DGKI: variants seen among roughly 807,000 people sequenced by gnomAD.
DGKI encodes the protein diacylglycerol kinase iota.
Under a neutral mutation model 147.5 loss-of-function variants are expected in DGKI, and 55 were observed. The observed-to-expected ratio is 0.37, with a 90% CI of 0.30 to 0.47. The LOEUF (loss-of-function observed/expected upper bound fraction) is 0.47. DGKI is among the 20% of genes least tolerant of loss of function. The pLI, the probability that DGKI is intolerant of heterozygous loss-of-function variation, is 1.00. For synonymous variants in DGKI, 469 were observed against 477.1 expected (o/e 0.98, Z 0.22); for missense variants, 1,007 against 1,323.8 (o/e 0.76, Z 3.71).
chr7:137,799,873 T>C (rs1031603044), intron 1 of DGKI, among the ~76,000 whole-genome samples: 2 of 152,264 alleles, frequency 1.3e-5, no homozygotes, highest in Non-Finnish European at 2.9e-5. Flanking sequence ...TTATGAACCA[T>C]GTATTTGAAG....
At chr7:137,492,482 C>A (rs1299150576) in intron 21 of DGKI, among the ~76,000 whole-genome samples, 1 of 152,070 alleles carries the variant, frequency 6.6e-6, no homozygotes, top group Non-Finnish European at 1.5e-5. Context: ...AGTTCCTGGC[C>A]CTCAGTAACC....
chr7:137,396,797 G>T (rs1811571070), intron 31 of DGKI, among the ~76,000 whole-genome samples: 1 of 152,184 alleles, frequency 6.6e-6, no homozygotes, highest in Non-Finnish European at 1.5e-5. Flanking sequence ...CGCTACTTTA[G>T]AAATAAGGTT....
intron 10 of DGKI, 106 bp downstream of exon 10, chr7:137,608,860 T>C (rs1457007231): frequency 1.1e-6 from 1 of 876,876 alleles, no homozygotes; most frequent in Non-Finnish European, 1.8e-6. Context: ...AACCGGTGTC[T>C]TCCAAAGCTT....
rs1174989943 is a variant in DGKI, at chr7:137,577,225, A to T, written c.1758T>A (p.Val586=). The T allele has an allele frequency of 1.9e-6, 3 of 1,591,184 alleles. No individual in the cohort carries two copies. The highest frequency in any genetic ancestry group is 2.3e-5 in the South Asian group (2 of 88,626). ...AATCAACATATTCAATACTTACAAC[A>T]ACTTTAACATGTTTGGATAGATCTC... ...SSRDLSKHVK[V]VCDGTDLTPK... Residue 586 remains valine (V), a synonymous_variant, in exon 17 of 33, where the codon GTT becomes GTA. Transcript: ENST00000614521.
rs551040530 is a variant in DGKI at position 137,582,809 on chromosome 7, G to A, written c.1564-881C>T. Among the ~76,000 whole-genome samples the A allele has an allele frequency of 5.7e-4, 87 of 152,206 alleles. 2 individuals carry two copies. The South Asian group carries it at 0.015, about 27-fold the overall frequency. On this transcript the variant is annotated intron_variant, in intron 14 of 32. Transcript: ENST00000614521. ...TGTTAGAACAATTAAGAAAGCATGC[G>A]GAAAATGTGAGAGTGGGAATGGCTG...
intron 3 of DGKI, among the ~76,000 whole-genome samples, chr7:137,677,996 GCAAATTTTAAACAACAAAAGTTAA>G (rs1166415858): frequency 6.6e-6 from 1 of 152,158 alleles, no homozygotes; most frequent in Non-Finnish European, 1.5e-5. Flanking sequence ...GGGACACAAA[GCAAATTTTAAACAACAAAAGTTAA>G]CTCCAATTGA....
At chr7:137,832,933 G>A (rs1433384269) in intron 1 of DGKI, among the ~76,000 whole-genome samples, 1 of 152,144 alleles carries the variant, frequency 6.6e-6, no homozygotes, top group East Asian at 1.9e-4. Flanking sequence ...TAGGGCAGGG[G>A]CAAAATGCCA....
intron 20 of DGKI, among the ~76,000 whole-genome samples, chr7:137,528,336 A>C (rs1263397059): frequency 6.6e-6 from 1 of 152,226 alleles, no homozygotes; most frequent in African/African-American, 2.4e-5. Context: ...TCAAAAAAGT[A>C]AGTAAACCTT....
chr7:137,692,133 T>C (rs12671487), intron 1 of DGKI, among the ~76,000 whole-genome samples: 1 of 152,216 alleles, frequency 6.6e-6, no homozygotes, highest in Non-Finnish European at 1.5e-5. Flanking sequence ...TCTTATACAG[T>C]GATCTTTCAT....
At chr7:137,527,946 A>G (rs1318195243) in intron 20 of DGKI, among the ~76,000 whole-genome samples, 1 of 152,242 alleles carries the variant, frequency 6.6e-6, no homozygotes, top group Admixed American at 6.5e-5. Context: ...GTGAATTCAC[A>G]GTGTGAAAGG....
At chr7:137,538,635 G>A (rs538622617) in intron 20 of DGKI, among the ~76,000 whole-genome samples, 16 of 152,226 alleles carry the variant, frequency 1.1e-4, no homozygotes, top group African/African-American at 3.1e-4. Context: ...TATGACACTC[G>A]CTGAGTCACT....
In DGKI at chr7:137,846,613, C is replaced by T; in HGVS notation, c.250G>A (p.Glu84Lys). 1.8e-6 allele frequency: 2 copies of T among 1,094,758 alleles called. No homozygotes were observed. The highest frequency in any genetic ancestry group is 1.1e-6 in the Non-Finnish European group (1 of 905,964). 67.8% of individuals were successfully genotyped at this position (1,094,758 alleles called of 1,614,324 possible). A position where few individuals can be genotyped will look rare whatever the true frequency, so the allele number is the denominator to read the frequency against. Residue 84 changes from glutamate (E) to lysine (K), a missense_variant, in exon 1 of 33, where the codon GAG (glutamate) becomes AAG (lysine). Transcript: ENST00000614521. The surrounding 1 kb of genome is among the most constrained non-coding windows in gnomAD (Gnocchi z 4.0). Reference protein sequence around the residue: ...SGAGSCCLGAEGGADPRGAGS... With the variant: ...SGAGSCCLGAKGGADPRGAGS... ...GCGCCCCGCGGGTCCGCGCCGCCCT[C>T]GGCGCCCAGGCAGCAGCTCCCGGCG...
rs556362786 is a variant in DGKI, at chr7:137,748,361, A to G, written c.402-58359T>C. On this transcript the variant is annotated intron_variant, in intron 1 of 32. Coordinates refer to ENST00000614521, the MANE Select transcript of DGKI (RefSeq NM_001321708.2). ...CATCTATTGTGGTTAAAGAAAAAAA[A>G]AAAAGAATGGGGGCGGAATATAAAA... Among the ~76,000 whole-genome samples the G allele has an allele frequency of 5.3e-5, 8 of 152,244 alleles. No homozygotes were observed. In the South Asian group the frequency reaches 1.7e-3, roughly 32 times the overall value.
intron 1 of DGKI, chr7:137,771,597 T>C (rs1332586185): frequency 6.6e-6 from 1 of 152,206 alleles, no homozygotes; most frequent in African/African-American, 2.4e-5. Context: ...TAAACATGCA[T>C]CTTTATCTCA....
At chr7:137,494,990 G>A (rs935756413) in intron 21 of DGKI, among the ~76,000 whole-genome samples, 3 of 152,000 alleles carry the variant, frequency 2.0e-5, no homozygotes, top group Non-Finnish European at 4.4e-5. Context: ...AAAAGCAGGG[G>A]TTGCTACCAT....
chr7:137,834,336 C>T (rs1218932114), intron 1 of DGKI, among the ~76,000 whole-genome samples: 1 of 152,138 alleles, frequency 6.6e-6, no homozygotes, highest in Non-Finnish European at 1.5e-5. Context: ...AGTGCTTTTG[C>T]TAAAGCTGTT....
At chr7:137,470,054 A>G (rs1714622313) in intron 23 of DGKI, among the ~76,000 whole-genome samples, 1 of 152,178 alleles carries the variant, frequency 6.6e-6, no homozygotes, top group Admixed American at 6.5e-5. Context: ...CGTGAGAAAA[A>G]GCAGCAGCCA....
At chr7:137,766,219 T>C (rs1431210686) in intron 1 of DGKI, among the ~76,000 whole-genome samples, 1 of 152,198 alleles carries the variant, frequency 6.6e-6, no homozygotes, top group African/African-American at 2.4e-5. Context: ...ACAAATATCA[T>C]GGGATCCTCC....
intron 24 of DGKI, 57 bp from the exon 25 acceptor site, chr7:137,466,999 T>G (rs1288803277): frequency 6.5e-7 from 1 of 1,548,342 alleles, no homozygotes; most frequent in South Asian, 1.1e-5. Context: ...GGCACCAAAT[T>G]TATAACCTTC....
Sources: allele counts gnomAD v4.1 joint callset (sites outside exome capture counted in the v4.1 genomes callset), GRCh38; gene constraint gnomAD v4.1.1; non-coding constraint Gnocchi (gnomAD v3.1); transcripts MANE v1.5; gene names NCBI Gene and HGNC (gene_info 2026-07-23, HGNC 2026-07-21).